GPC6: variants seen among roughly 807,000 people sequenced by gnomAD.
GPC6 encodes the protein glypican-6.
Under a neutral mutation model 55.2 loss-of-function variants are expected in GPC6, and 14 were observed. The observed-to-expected ratio is 0.25, with a 90% CI of 0.17 to 0.40. The LOEUF is 0.40. Ranked by LOEUF, GPC6 falls within the 10% of genes least tolerant of loss-of-function variation. The pLI, the probability that GPC6 is intolerant of heterozygous loss-of-function variation, is 1.00. For missense variants in GPC6, 641 were observed against 708.5 expected, an observed-to-expected ratio of 0.90 and a Z score of 1.08; for synonymous variants, 278 against 259.6, an observed-to-expected ratio of 1.07 and a Z score of -0.68.
At chr13:93,621,519 C>G in intron 2 of GPC6, among the ~76,000 whole-genome samples, 1 of 152,138 alleles carries the variant, frequency 6.6e-6, no homozygotes, top group East Asian at 1.9e-4. Flanking sequence ...CCCAAACTTA[C>G]CAAATCAGAA....
intron 4 of GPC6, among the ~76,000 whole-genome samples, chr13:94,245,129 C>T (rs970095739): frequency 6.6e-6 from 1 of 152,064 alleles, no homozygotes; most frequent in South Asian, 2.1e-4. Context: ...GTTCATCCTA[C>T]ATATTTGCTA....
In GPC6 at chr13:94,010,342, G is replaced by C. The variant is rs140697970; in HGVS notation, c.712-17387G>C. Among the ~76,000 whole-genome samples, 365 of 152,162 alleles carry C rather than the reference G, an allele frequency of 2.4e-3. 3 individuals are homozygous for C. The highest frequency in any genetic ancestry group is 8.3e-3 in the African/African-American group (345 of 41,528). On this transcript the variant is annotated intron_variant, in intron 3 of 8. Transcript: ENST00000377047. ...CAGACATTAACATCAGAAGGCCAAG[G>C]GTAATGAAAATGCTGACTAAAAGAT...
At chr13:94,371,179 A>C (rs1349970810) in intron 6 of GPC6, among the ~76,000 whole-genome samples, 1 of 152,182 alleles carries the variant, frequency 6.6e-6, no homozygotes, top group Non-Finnish European at 1.5e-5. Flanking sequence ...CCCTAAGATA[A>C]TTGAGAAATG....
intron 6 of GPC6, among the ~76,000 whole-genome samples, chr13:94,382,191 G>T (rs1482228606): frequency 6.6e-6 from 1 of 152,114 alleles, no homozygotes; most frequent in African/African-American, 2.4e-5. Context: ...AAAACAAAAA[G>T]CCAATTACCT....
chr13:93,777,773 T>G (rs1490184746), intron 2 of GPC6, among the ~76,000 whole-genome samples: 1 of 152,328 alleles, frequency 6.6e-6, no homozygotes, highest in South Asian at 2.1e-4. Flanking sequence ...TGTGTATTTG[T>G]ACCTACATAT....
chr13:93,852,151 C>T (rs554763980), intron 3 of GPC6, among the ~76,000 whole-genome samples: 2 of 151,808 alleles, frequency 1.3e-5, no homozygotes, highest in East Asian at 1.9e-4. Flanking sequence ...TATACCGGTT[C>T]TGAGGAATAG....
chr13:93,637,230 G>T (rs1594331448), intron 2 of GPC6, among the ~76,000 whole-genome samples: 1 of 152,080 alleles, frequency 6.6e-6, no homozygotes, highest in Admixed American at 6.6e-5. Flanking sequence ...TACTTTACTC[G>T]CTTTAAGGGT....
At chr13:93,976,930 A>G (rs929163872) in intron 3 of GPC6, among the ~76,000 whole-genome samples, 2 of 152,084 alleles carry the variant, frequency 1.3e-5, no homozygotes, top group African/African-American at 2.4e-5. Context: ...TAAGAATATA[A>G]ACAAGTCGTA....
At chr13:93,370,608 G>A (rs1881413426) in intron 1 of GPC6, among the ~76,000 whole-genome samples, 1 of 152,090 alleles carries the variant, frequency 6.6e-6, no homozygotes, top group Admixed American at 6.6e-5. Context: ...TCCAGGTTTT[G>A]TTAAGTTTGG....
chr13:94,181,267 C>T (rs1177504436), intron 4 of GPC6, among the ~76,000 whole-genome samples: 2 of 152,128 alleles, frequency 1.3e-5, no homozygotes, highest in African/African-American at 2.4e-5. Flanking sequence ...TTTTGTGGCT[C>T]AGGGTCGCCA....
chr13:94,210,255 C>T (rs1230245268), intron 4 of GPC6, among the ~76,000 whole-genome samples: 1 of 151,122 alleles, frequency 6.6e-6, no homozygotes, highest in East Asian at 1.9e-4. Flanking sequence ...CTCCCAGGTT[C>T]ATGCGATTCT....
intron 4 of GPC6, among the ~76,000 whole-genome samples, chr13:94,285,885 T>C (rs1377252197): frequency 6.6e-6 from 1 of 152,168 alleles, no homozygotes; most frequent in Non-Finnish European, 1.5e-5. Context: ...TCTGTACATC[T>C]TGAGAGATCC....
chr13:93,341,224 G>A (rs564798957), intron 1 of GPC6, among the ~76,000 whole-genome samples: 2 of 152,306 alleles, frequency 1.3e-5, no homozygotes, highest in South Asian at 4.1e-4. Context: ...ATGTGTGCAT[G>A]TGTCTTTTTC....
chr13:93,894,575 G>A (rs2140321041), intron 3 of GPC6, among the ~76,000 whole-genome samples: 1 of 152,162 alleles, frequency 6.6e-6, no homozygotes, highest in South Asian at 2.1e-4. Flanking sequence ...AATCACAATT[G>A]GAGTAACATT....
intron 3 of GPC6, among the ~76,000 whole-genome samples, chr13:93,840,901 T>C (rs1385592090): frequency 6.6e-6 from 1 of 152,210 alleles, no homozygotes; most frequent in Non-Finnish European, 1.5e-5. Flanking sequence ...AAAACAGCTT[T>C]ATGAAGAAAA....
chr13:93,501,118 C>G (rs180719066), intron 1 of GPC6, among the ~76,000 whole-genome samples: 4 of 152,220 alleles, frequency 2.6e-5, no homozygotes, highest in Admixed American at 2.6e-4. Context: ...ATGAAAAACA[C>G]TTGTACTGTT....
intron 2 of GPC6, among the ~76,000 whole-genome samples, chr13:93,613,066 G>A (rs907475785): frequency 2.6e-5 from 4 of 152,138 alleles, no homozygotes; most frequent in African/African-American, 7.2e-5. Context: ...GCTATGTGAC[G>A]TATGTGTTCT....
chr13:93,934,616 C>G (rs1245911757), intron 3 of GPC6, among the ~76,000 whole-genome samples: 1 of 152,166 alleles, frequency 6.6e-6, no homozygotes, highest in African/African-American at 2.4e-5. Context: ...CCCCTTATCC[C>G]AACCAGCCTG....
chr13:93,400,255 C>T (rs1876018427), intron 1 of GPC6, among the ~76,000 whole-genome samples: 1 of 151,086 alleles, frequency 6.6e-6, no homozygotes, highest in African/African-American at 2.4e-5. Context: ...CTTTCCTTTT[C>T]TTCTTCTCTT....
Sources: allele counts gnomAD v4.1 joint callset (sites outside exome capture counted in the v4.1 genomes callset), GRCh38; gene constraint gnomAD v4.1.1; transcripts MANE v1.5; gene names NCBI Gene and HGNC (gene_info 2026-07-23, HGNC 2026-07-21).